The following ECHDC3 variants were observed in gnomAD, a reference collection of about 807,000 sequenced individuals.
ECHDC3 encodes the protein enoyl-CoA hydratase domain containing 3.
Under a neutral mutation model 17.9 loss-of-function variants are expected in ECHDC3, and 20 were observed. That is an observed-to-expected ratio of 1.12 (90% CI 0.79 to 1.63). The LOEUF (loss-of-function observed/expected upper bound fraction) is 1.63. Among genes scored for constraint, ECHDC3 ranks in the 40% most tolerant of loss-of-function variants. The pLI, the probability that ECHDC3 is intolerant of heterozygous loss-of-function variation, is 0.00. For missense variants in ECHDC3, 407 were observed against 357.7 expected, an observed-to-expected ratio of 1.14 and a Z score of -1.11; for synonymous variants, 177 against 149.7, an observed-to-expected ratio of 1.18 and a Z score of -1.33.
chr10:11,751,641 T>C (rs1396415849), intron 3 of ECHDC3, among the ~76,000 whole-genome samples: 1 of 152,216 alleles, frequency 6.6e-6, no homozygotes, highest in African/African-American at 2.4e-5. Flanking sequence ...AAGTACTGCA[T>C]GATAGTTAAT....
intron 2 of ECHDC3, among the ~76,000 whole-genome samples, chr10:11,748,781 G>A (rs1832792269): frequency 6.6e-6 from 1 of 152,142 alleles, no homozygotes; most frequent in Admixed American, 6.6e-5. Flanking sequence ...AGCTACTTAG[G>A]AGGCTAAGGC....
At chr10:11,747,661 C>T (rs1338770647) in intron 2 of ECHDC3, among the ~76,000 whole-genome samples, 191 bp downstream of exon 2, 1 of 152,206 alleles carries the variant, frequency 6.6e-6, no homozygotes, top group Non-Finnish European at 1.5e-5. Context: ...GAATTTATAA[C>T]AAAGATGACT....
chr10:11,745,916 T>C (rs528711840), intron 1 of ECHDC3, among the ~76,000 whole-genome samples: 1 of 152,220 alleles, frequency 6.6e-6, no homozygotes, highest in African/African-American at 2.4e-5. Flanking sequence ...GCCAGCTTTT[T>C]GTGAGAGGAT....
chr10:11,762,716 G>A (rs1339554531), intron 4 of ECHDC3, among the ~76,000 whole-genome samples: 2 of 152,290 alleles, frequency 1.3e-5, no homozygotes, highest in Middle Eastern at 3.4e-3. Context: ...TGGGCTCTAC[G>A]TCTGGTCCCC....
At chr10:11,743,950 T>C (rs1361055963) in intron 1 of ECHDC3, among the ~76,000 whole-genome samples, 2 of 152,216 alleles carry the variant, frequency 1.3e-5, no homozygotes, top group East Asian at 3.8e-4. Flanking sequence ...GTTTGTTTAG[T>C]AGGAAAGGAA....
At position 11,747,395 on chromosome 10, in the gene ECHDC3, G is replaced by C; in HGVS notation, c.217G>C (p.Ala73Pro). 1 of 1,614,024 alleles carries C rather than the reference G, an allele frequency of 6.2e-7. No individual in the cohort carries two copies. Among genetic ancestry groups the C allele is most frequent in the Non-Finnish European group, 8.5e-7 (1 of 1,179,956 alleles). Reference protein sequence around the residue: ...NPKKRNALSLAMLKSLQSDIL... With the variant: ...NPKKRNALSLPMLKSLQSDIL... ...CAAGAAGAGGAACGCGTTGTCACTT[G>C]CAATGCTGAAGTCTCTCCAAAGTGA... Residue 73 changes from alanine (A) to proline (P), a missense_variant, in exon 2 of 5, where the codon GCA (alanine) becomes CCA (proline). Transcript: ENST00000379215.
chr10:11,747,368 C>G lies in ECHDC3; in HGVS notation c.190C>G (p.Pro64Ala), dbSNP rs1168615015. The part of the protein sequence containing the change: ...DGIRNIVLSN[P>A]KKRNALSLAM... ...TCACAGGAACATCGTCTTGAGCAAT[C>G]CCAAGAAGAGGAACGCGTTGTCACT... Residue 64 changes from proline (P) to alanine (A), a missense_variant, in exon 2 of 5, where the codon CCC (proline) becomes GCC (alanine). Pro to Ala is a conservative substitution (Grantham distance 27). Coordinates refer to ENST00000379215, the MANE Select transcript of ECHDC3 (RefSeq NM_024693.5). 1.9e-6 allele frequency: 3 copies of G among 1,613,918 alleles called. No individual in the cohort carries two copies. The highest frequency in any genetic ancestry group is 1.1e-5 in the South Asian group (1 of 91,050).
At chr10:11,755,851 T>G in intron 4 of ECHDC3, 1 of 483,620 alleles carries the variant, frequency 2.1e-6, no homozygotes. Flanking sequence ...ATCACTGCAT[T>G]TCCATCATGC....
chr10:11,743,841 A>G (rs1230547084), intron 1 of ECHDC3, among the ~76,000 whole-genome samples: 1 of 152,250 alleles, frequency 6.6e-6, no homozygotes, highest in Admixed American at 6.5e-5. Context: ...ACTTCTGGGC[A>G]TGGCGGCCAG....
chr10:11,760,075 G>A (rs894890954), intron 4 of ECHDC3, among the ~76,000 whole-genome samples: 1 of 152,172 alleles, frequency 6.6e-6, no homozygotes, highest in African/African-American at 2.4e-5. Flanking sequence ...TCTTCATAGT[G>A]ACCTCCCTGA....
intron 4 of ECHDC3, among the ~76,000 whole-genome samples, chr10:11,760,433 A>G (rs900297860): frequency 6.6e-6 from 1 of 152,204 alleles, no homozygotes; most frequent in Non-Finnish European, 1.5e-5. Context: ...ATACTTGCCC[A>G]TCTGCTGAGC....
At chr10:11,762,263 T>G (rs529510292) in intron 4 of ECHDC3, among the ~76,000 whole-genome samples, 3 of 152,170 alleles carry the variant, frequency 2.0e-5, no homozygotes, top group Non-Finnish European at 4.4e-5. Flanking sequence ...TGATAGGGGA[T>G]GCAGGACCAG....
At chr10:11,751,573 A>T (rs1832823396) in intron 3 of ECHDC3, among the ~76,000 whole-genome samples, 1 of 152,234 alleles carries the variant, frequency 6.6e-6, no homozygotes, top group Non-Finnish European at 1.5e-5. Context: ...AGAAAGGAGG[A>T]TAGAGGTATC....
Position 11,742,873 on chromosome 10 carries a change from T to C in ECHDC3, c.170+127T>C, listed in dbSNP as rs917891091. 1.6e-5 allele frequency: 17 copies of C among 1,075,984 alleles called. No individual in the cohort carries two copies. The African/African-American group carries it at 2.6e-4, about 17-fold the overall frequency. The allele number at this position is 1,075,984 out of a possible 1,614,324, so 66.7% of individuals were successfully genotyped here. A position where few individuals can be genotyped will look rare whatever the true frequency, so the allele number is the denominator to read the frequency against. ...GCCCCTGGGGAGGGAACTCCCCGTG[T>C]CCCGGACCCGGGCCTGGCAGCGAGA... On this transcript the variant is annotated intron_variant, in intron 1 of 4. Coordinates refer to ENST00000379215, the MANE Select transcript of ECHDC3 (RefSeq NM_024693.5).
At chr10:11,743,330 AAATC>A (rs1317251125) in intron 1 of ECHDC3, among the ~76,000 whole-genome samples, 2 of 152,222 alleles carry the variant, frequency 1.3e-5, no homozygotes, top group Non-Finnish European at 2.9e-5. Flanking sequence ...TTTCAGTTCT[AAATC>A]AAGCTATTAA....
intron 1 of ECHDC3, among the ~76,000 whole-genome samples, chr10:11,744,759 C>G (rs1393939579): frequency 6.6e-6 from 1 of 152,102 alleles, no homozygotes; most frequent in South Asian, 2.1e-4. Flanking sequence ...GACTTTTTCT[C>G]TCATTCAGGC....
intron 4 of ECHDC3, among the ~76,000 whole-genome samples, chr10:11,760,028 C>G (rs1295208763): frequency 4.6e-5 from 7 of 152,208 alleles, no homozygotes; most frequent in Admixed American, 4.6e-4. Context: ...CCCTTGAGCT[C>G]AAACCAGGTC....
intron 3 of ECHDC3, among the ~76,000 whole-genome samples, chr10:11,751,680 A>G (rs1040569885): frequency 1.3e-5 from 2 of 152,250 alleles, no homozygotes; most frequent in Non-Finnish European, 2.9e-5. Context: ...AGGGCAAATT[A>G]AGGATGAGTA....
At chr10:11,761,037 A>G (rs1832944297) in intron 4 of ECHDC3, among the ~76,000 whole-genome samples, 1 of 152,188 alleles carries the variant, frequency 6.6e-6, no homozygotes, top group African/African-American at 2.4e-5. Flanking sequence ...TTTACAGAGG[A>G]GAAAAGGAGG....
Sources: gnomAD v4.1 joint callset for allele counts (sites outside exome capture counted in the v4.1 genomes callset) on GRCh38, gnomAD v4.1.1 for gene constraint, MANE v1.5 for transcripts, NCBI Gene and HGNC (gene_info 2026-07-23, HGNC 2026-07-21) for gene names.